Variants in ANGPT2 observed in about 807,000 individuals in gnomAD.
The protein encoded by ANGPT2 is angiopoietin 2, also known as angiopoietin-2.
In ANGPT2, 28 loss-of-function variants were observed where a neutral mutation model predicts 62.9. That is an observed-to-expected ratio of 0.44 (90% CI 0.33 to 0.61). ANGPT2 has a LOEUF of 0.61. ANGPT2 is among the 20% of genes least tolerant of loss of function. The pLI is 0.03. For synonymous variants in ANGPT2, 284 were observed against 207.8 expected (o/e 1.37, Z -3.15); for missense variants, 727 against 594.9 (o/e 1.22, Z -2.31).
chr8:6,507,454 A>C (rs1254383423), intron 8 of ANGPT2: 2 of 152,138 alleles, frequency 1.3e-5, no homozygotes, highest in African/African-American at 4.8e-5. Flanking sequence ...AGTGTTTTTC[A>C]AGAACTAACT....
At chr8:6,503,305 C>T in intron 8 of ANGPT2, 44 bp from the exon 9 acceptor site, 1 of 1,606,674 alleles carries the variant, frequency 6.2e-7, no homozygotes, top group Non-Finnish European at 8.5e-7. Context: ...TAGGTGATGC[C>T]AGCTCCCACC....
intron 8 of ANGPT2, among the ~76,000 whole-genome samples, chr8:6,506,861 A>G (rs778048420): frequency 1.3e-5 from 2 of 151,176 alleles, no homozygotes; most frequent in African/African-American, 2.4e-5. Context: ...TGAATTTCAT[A>G]TTATTTTCAT....
intron 3 of ANGPT2, among the ~76,000 whole-genome samples, chr8:6,526,144 G>C (rs1181115799): frequency 6.6e-6 from 1 of 151,736 alleles, no homozygotes; most frequent in East Asian, 1.9e-4. Flanking sequence ...ACGACGCCAG[G>C]TACGGTGGCT....
Position 6,509,008 on chromosome 8 carries a change from T to C in ANGPT2, c.1251A>G (p.Gln417=). Residue 417 remains glutamine, a synonymous_variant, in exon 8 of 9, where the codon CAA becomes CAG. Coordinates refer to ENST00000629816, the MANE Select transcript of ANGPT2 (RefSeq NM_001118887.2). ...CCTTTGTGCTAAAATCATTTCCTGGTTGGCTGATGCTGCTTATTTTGCCGG... is the reference window on the plus strand; with the variant it reads ...CCTTTGTGCTAAAATCATTTCCTGGCTGGCTGATGCTGCTTATTTTGCCGG... ...GTAGKISSIS[Q]PGNDFSTKDG... is the part of the protein sequence containing the mutation. 1 of 1,614,196 alleles carries C rather than the reference T, an allele frequency of 6.2e-7. No homozygotes were observed. The highest frequency in any genetic ancestry group is 8.5e-7 in the Non-Finnish European group (1 of 1,180,028).
chr8:6,523,469 T>C (rs1311302069), intron 3 of ANGPT2, among the ~76,000 whole-genome samples: 1 of 152,212 alleles, frequency 6.6e-6, no homozygotes, highest in Non-Finnish European at 1.5e-5. Flanking sequence ...ATAGTTCCTG[T>C]CCATTAAGCC....
chr8:6,519,766 G>A (rs770576887), intron 5 of ANGPT2, 98 bp downstream of exon 5: 322 of 1,464,144 alleles, frequency 2.2e-4, no homozygotes, highest in Non-Finnish European at 2.7e-4. Flanking sequence ...TGAGGCTGGG[G>A]AAGATCTTTG....
chr8:6,527,659 C>G lies in ANGPT2; in HGVS notation c.462G>C (p.Thr154=). The part of the protein sequence containing the change: ...DVEAQVLNQT[T]RLELQLLEHS... ...GTTCCAAGAGCTGAAGTTCAAGTCT[C>G]GTGGTCTGATTTAATACCTAAATGT... The change falls in exon 3 of 9, where the codon ACG becomes ACC. Residue 154 remains threonine, a synonymous_variant. Transcript: ENST00000629816. 6.2e-7 allele frequency: 1 copy of G among 1,613,654 alleles called. No individual in the cohort carries two copies. The highest frequency in any genetic ancestry group is 1.3e-5 in the African/African-American group (1 of 75,014).
At chr8:6,521,590 G>A (rs140255476) in intron 3 of ANGPT2, among the ~76,000 whole-genome samples, 180 bp from the exon 4 acceptor site, 1,975 of 152,292 alleles carry the variant, frequency 0.013, 26 homozygotes, top group Non-Finnish European at 0.014. Context: ...ATATATAAAT[G>A]TGTGTATATA....
intron 1 of ANGPT2, among the ~76,000 whole-genome samples, chr8:6,535,021 C>T (rs749814501): frequency 6.6e-6 from 1 of 152,188 alleles, no homozygotes; most frequent in Non-Finnish European, 1.5e-5. Context: ...TAAAAAGTTT[C>T]ATTCCGGGAG....
chr8:6,511,075 C>T (rs1353673142), intron 7 of ANGPT2, among the ~76,000 whole-genome samples: 1 of 152,184 alleles, frequency 6.6e-6, no homozygotes, highest in African/African-American at 2.4e-5. Context: ...TCTCTCTTGT[C>T]TCCTTTGAAC....
At position 6,514,681 on chromosome 8, in the gene ANGPT2, T is replaced by G. The variant is rs1254250739; in HGVS notation, c.1025A>C (p.Lys342Thr). The G allele has an allele frequency of 1.9e-6, 3 of 1,613,610 alleles. No homozygotes were observed. Among genetic ancestry groups the G allele is most frequent in the Non-Finnish European group, 8.5e-7 (1 of 1,179,566 alleles). Residue 342 changes from lysine (K) to threonine (T), a missense_variant, in exon 6 of 9, where the codon AAA (lysine) becomes ACA (threonine). Coordinates refer to ENST00000629816, the MANE Select transcript of ANGPT2 (RefSeq NM_001118887.2). The part of the protein sequence containing the change: ...VDFQRTWKEY[K>T]VGFGNPSGEY... Reference sequence around the variant, plus strand: ...TGCCTTAAAGAATGTCCTTACCACTTTATATTCTTTCCAAGTCCTCTGAAA... The same window carrying G: ...TGCCTTAAAGAATGTCCTTACCACTGTATATTCTTTCCAAGTCCTCTGAAA...
chr8:6,516,754 A>G (rs1427421397), intron 5 of ANGPT2, among the ~76,000 whole-genome samples: 1 of 152,196 alleles, frequency 6.6e-6, no homozygotes, highest in African/African-American at 2.4e-5. Context: ...TGGTGAGCCT[A>G]TCCTTGTTCC....
At chr8:6,562,088 A>T (rs1443902485) in intron 1 of ANGPT2, among the ~76,000 whole-genome samples, 1 of 152,210 alleles carries the variant, frequency 6.6e-6, no homozygotes, top group Non-Finnish European at 1.5e-5. Flanking sequence ...ATTCTGAGAA[A>T]CATAAGGTCT....
At chr8:6,528,258 C>G (rs58191715) in intron 2 of ANGPT2, among the ~76,000 whole-genome samples, 1,585 of 152,200 alleles carry the variant, frequency 0.01, 28 homozygotes, top group African/African-American at 0.037. Flanking sequence ...GTGCCAAATA[C>G]TAAATGTTAT....
At position 6,502,632 on chromosome 8, in the gene ANGPT2, T is replaced by C. The variant is rs1309153696; in HGVS notation, c.*469A>G. On this transcript the variant is annotated 3_prime_UTR_variant, in exon 9 of 9. Transcript: ENST00000629816. Reference sequence around the variant, plus strand: ...ATATGTCTTTTTATGGCTTAGAGAGTTTTTTTCTTCCTTTTAATTGTGATA... The same window carrying C: ...ATATGTCTTTTTATGGCTTAGAGAGCTTTTTTCTTCCTTTTAATTGTGATA... 1 of 152,956 alleles carries C rather than the reference T, an allele frequency of 6.5e-6. No individual in the cohort carries two copies. 9.5% of individuals were successfully genotyped at this position (152,956 alleles called of 1,614,324 possible). A position where few individuals can be genotyped will look rare whatever the true frequency, so the allele number is the denominator to read the frequency against.
rs190499042 is a variant in ANGPT2 at position 6,502,986 on chromosome 8, C to A, written c.*115G>T. On this transcript the variant is annotated 3_prime_UTR_variant, in exon 9 of 9. Coordinates refer to ENST00000629816, the MANE Select transcript of ANGPT2 (RefSeq NM_001118887.2). Reference sequence around the variant, plus strand: ...TGGAGCATGTGGGTCCCGTCAGCACCGAGCACACGCCCTCTGTGGTGGAAG... The same window carrying A: ...TGGAGCATGTGGGTCCCGTCAGCACAGAGCACACGCCCTCTGTGGTGGAAG... The A allele has an allele frequency of 1.6e-6, 2 of 1,278,732 alleles. No individual in the cohort carries two copies. The highest frequency in any genetic ancestry group is 2.7e-4 in the Middle Eastern group (1 of 3,694). 79.2% of individuals were successfully genotyped at this position (1,278,732 alleles called of 1,614,324 possible). A position where few individuals can be genotyped will look rare whatever the true frequency, so the allele number is the denominator to read the frequency against.
intron 8 of ANGPT2, among the ~76,000 whole-genome samples, chr8:6,507,382 T>C (rs1340914543): frequency 6.6e-6 from 1 of 152,228 alleles, no homozygotes; most frequent in African/African-American, 2.4e-5. Flanking sequence ...CCAATTTTCC[T>C]GTTATTCTTT....
chr8:6,537,245 G>C (rs1053907072), intron 1 of ANGPT2, among the ~76,000 whole-genome samples: 8 of 152,054 alleles, frequency 5.3e-5, no homozygotes, highest in African/African-American at 1.9e-4. Flanking sequence ...GTGATCTGTA[G>C]GCACACGTGT....
rs1161358206 is a variant in ANGPT2, at chr8:6,540,723, G to A, written c.289-8236C>T. 1.3e-5 allele frequency among the ~76,000 whole-genome samples: 2 copies of A among 152,270 alleles called. 1 individual carries two copies. Among genetic ancestry groups the A allele is most frequent in the Non-Finnish European group, 2.9e-5 (2 of 68,048 alleles). ...AGATTCTCACACTGCCTTAGCTTGG[G>A]TTTCCCCAAAAGCAGAGCCTGAGAC... On this transcript the variant is annotated intron_variant, in intron 1 of 8. Coordinates refer to ENST00000629816, the MANE Select transcript of ANGPT2 (RefSeq NM_001118887.2).
Sources: gnomAD v4.1 joint callset for allele counts (sites outside exome capture counted in the v4.1 genomes callset) on GRCh38, gnomAD v4.1.1 for gene constraint, MANE v1.5 for transcripts, NCBI Gene and HGNC (gene_info 2026-07-23, HGNC 2026-07-21) for gene names.